NALF1: variants seen among roughly 807,000 people sequenced by gnomAD.
The protein encoded by NALF1 is NALCN channel auxiliary factor 1.
In NALF1, 3 loss-of-function variants were observed where a neutral mutation model predicts 48.4. The ratio of observed to expected loss-of-function variants is 0.06; its 90% confidence interval spans 0.03 to 0.16. The LOEUF (loss-of-function observed/expected upper bound fraction) is 0.16, where lower values mean the gene tolerates loss of function less well. NALF1 is among the 10% of genes least tolerant of loss of function. The pLI is 1.00. For synonymous variants in NALF1, 262 were observed against 245.7 expected (o/e 1.07, Z -0.62); for missense variants, 526 against 571.5 (o/e 0.92, Z 0.81).
intron 1 of NALF1, among the ~76,000 whole-genome samples, chr13:107,293,934 G>A (rs1205805768): frequency 6.6e-6 from 1 of 152,168 alleles, no homozygotes; most frequent in Non-Finnish European, 1.5e-5. Flanking sequence ...TGGCATAGAA[G>A]GCAAGAGTGG....
At chr13:107,193,201 G>A (rs546738072) in intron 2 of NALF1, among the ~76,000 whole-genome samples, 1 of 152,134 alleles carries the variant, frequency 6.6e-6, no homozygotes, top group South Asian at 2.1e-4. Flanking sequence ...AAATGATTAA[G>A]CATAGATGTT....
At chr13:107,663,472 C>G (rs1308914128) in intron 1 of NALF1, among the ~76,000 whole-genome samples, 2 of 152,114 alleles carry the variant, frequency 1.3e-5, no homozygotes, top group African/African-American at 2.4e-5. Flanking sequence ...TTAAAAAGAC[C>G]TTTAAAGATC....
chr13:107,635,303 G>A (rs186439753), intron 1 of NALF1, among the ~76,000 whole-genome samples: 4 of 152,152 alleles, frequency 2.6e-5, no homozygotes, highest in African/African-American at 9.6e-5. Flanking sequence ...TTACAGTCAT[G>A]GCAGAAGGGG....
intron 1 of NALF1, among the ~76,000 whole-genome samples, chr13:107,478,506 C>T (rs896432555): frequency 5.3e-5 from 8 of 152,028 alleles, no homozygotes; most frequent in Non-Finnish European, 7.4e-5. Context: ...AGAGGCTGTT[C>T]TTTGCATTAA....
chr13:107,766,394 T>C (rs1305993768), intron 1 of NALF1, among the ~76,000 whole-genome samples: 2 of 152,106 alleles, frequency 1.3e-5, no homozygotes, highest in Non-Finnish European at 2.9e-5. Context: ...CAAATGAATA[T>C]CAGACAAAAA....
intron 1 of NALF1, among the ~76,000 whole-genome samples, chr13:107,506,248 T>C (rs191965946): frequency 1.4e-3 from 220 of 152,248 alleles, no homozygotes; most frequent in Admixed American, 3.0e-3. Context: ...GGCCTTTAAG[T>C]AGTATTAATT....
chr13:107,573,764 T>A (rs1171695536), intron 1 of NALF1, among the ~76,000 whole-genome samples: 1 of 151,904 alleles, frequency 6.6e-6, no homozygotes, highest in African/African-American at 2.4e-5. Flanking sequence ...GTCTGTCTCA[T>A]GAGATCTGAT....
chr13:107,851,805 C>CATTTTT lies in NALF1; in HGVS notation c.915+13876_915+13877insAAAAAT, dbSNP rs1555329721. Among the ~76,000 whole-genome samples, 22 of 104,732 alleles carry CATTTTT rather than the reference C, an allele frequency of 2.1e-4. 2 individuals carry two copies. The highest frequency in any genetic ancestry group is 1.4e-3 in the East Asian group (5 of 3,490). 68.7% of individuals were successfully genotyped at this position (104,732 alleles called of 152,430 possible). ...GGATTAAGGGCTTTACAGGCCCTTT[C>CATTTTT]TTTTTTTTTTTTTTTTTTTTTGAGA... On this transcript the variant is annotated intron_variant, in intron 1 of 2. Coordinates refer to ENST00000375915, the MANE Select transcript of NALF1 (RefSeq NM_001080396.3).
intron 1 of NALF1, among the ~76,000 whole-genome samples, chr13:107,640,089 C>T (rs1210911878): frequency 6.6e-6 from 1 of 151,964 alleles, no homozygotes; most frequent in Non-Finnish European, 1.5e-5. Context: ...ATTTAACTTG[C>T]CTTCTTGTTT....
At chr13:107,374,548 A>T (rs1883303176) in intron 1 of NALF1, among the ~76,000 whole-genome samples, 1 of 151,548 alleles carries the variant, frequency 6.6e-6, no homozygotes, top group Non-Finnish European at 1.5e-5. Context: ...TATAATCAAC[A>T]TGGTATTGCT....
At position 107,853,657 on chromosome 13, in the gene NALF1, T is replaced by C. The variant is rs146661093; in HGVS notation, c.915+12025A>G. On this transcript the variant is annotated intron_variant, in intron 1 of 2. Transcript: ENST00000375915. The stretch of plus-strand genomic sequence containing the variant: ...ACAAATTAAAATTTAAACTAATAAA[T>C]TTAATTCTAAATGTACAATTAAGGA... Among the ~76,000 whole-genome samples the C allele has an allele frequency of 4.2e-3, 642 of 152,284 alleles. 5 individuals are homozygous for C. Among genetic ancestry groups the C allele is most frequent in the African/African-American group, 0.015 (612 of 41,570 alleles).
chr13:107,538,074 A>C (rs989062682), intron 1 of NALF1, among the ~76,000 whole-genome samples: 1 of 152,134 alleles, frequency 6.6e-6, no homozygotes, highest in Non-Finnish European at 1.5e-5. Flanking sequence ...CCAGAGCAAC[A>C]GTAATCTTAA....
At chr13:107,279,001 T>C (rs1328045948) in intron 1 of NALF1, among the ~76,000 whole-genome samples, 2 of 151,694 alleles carry the variant, frequency 1.3e-5, no homozygotes, top group Admixed American at 1.3e-4. Flanking sequence ...TGGTTACCCG[T>C]CTATTCATTC....
chr13:107,453,986 T>A (rs1566349179), intron 1 of NALF1, among the ~76,000 whole-genome samples: 1 of 152,020 alleles, frequency 6.6e-6, no homozygotes, highest in Non-Finnish European at 1.5e-5. Context: ...ATAGCAAGAG[T>A]CACCTTTAGT....
chr13:107,634,393 G>A (rs1879919243), intron 1 of NALF1, among the ~76,000 whole-genome samples: 1 of 152,200 alleles, frequency 6.6e-6, no homozygotes, highest in South Asian at 2.1e-4. Flanking sequence ...TAACAAAATT[G>A]CACTTGTACT....
rs551482599 is a variant in NALF1, at chr13:107,392,143, C to T, written c.916-181388G>A. Among the ~76,000 whole-genome samples the T allele has an allele frequency of 4.6e-5, 7 of 152,206 alleles. No individual in the cohort carries two copies. The South Asian group carries it at 8.3e-4, about 18-fold the overall frequency. On this transcript the variant is annotated intron_variant, in intron 1 of 2. Coordinates refer to ENST00000375915, the MANE Select transcript of NALF1 (RefSeq NM_001080396.3). Reference sequence around the variant, plus strand: ...ATTGTCTTCCCTTGTTTCTGCTTGTCTCCCTTTGTTGCTGACCTCTAGCAT... The same window carrying T: ...ATTGTCTTCCCTTGTTTCTGCTTGTTTCCCTTTGTTGCTGACCTCTAGCAT...
At chr13:107,635,252 T>C (rs1879943583) in intron 1 of NALF1, among the ~76,000 whole-genome samples, 2 of 152,084 alleles carry the variant, frequency 1.3e-5, no homozygotes. Context: ...AGGGGTTTAA[T>C]TTACTCACAG....
At chr13:107,401,545 T>C (rs149893941) in intron 1 of NALF1, among the ~76,000 whole-genome samples, 2,031 of 152,274 alleles carry the variant, frequency 0.013, 23 homozygotes, top group South Asian at 0.033. Flanking sequence ...TTAAAGCAAA[T>C]TATTATTTTG....
At chr13:107,767,415 T>A (rs551826722) in intron 1 of NALF1, among the ~76,000 whole-genome samples, 1 of 152,212 alleles carries the variant, frequency 6.6e-6, no homozygotes, top group Non-Finnish European at 1.5e-5. Flanking sequence ...TCTGTTGCAG[T>A]AACTGGTTAT....
Sources: allele counts gnomAD v4.1 joint callset (sites outside exome capture counted in the v4.1 genomes callset), GRCh38; gene constraint gnomAD v4.1.1; transcripts MANE v1.5; gene names NCBI Gene and HGNC (gene_info 2026-07-23, HGNC 2026-07-21).